Variants in MEAK7 observed in about 807,000 individuals in gnomAD.
MEAK7 encodes MTOR associated protein MEAK7.
In MEAK7, 68 loss-of-function variants were observed where a neutral mutation model predicts 40.5. The ratio of observed to expected loss-of-function variants is 1.68; its 90% CI spans 1.38 to 2.06. The LOEUF is 2.06. Among genes scored for constraint, MEAK7 ranks in the 30% most tolerant of loss-of-function variants. The pLI is 0.00. For synonymous variants in MEAK7, 338 were observed against 231.9 expected, an observed-to-expected ratio of 1.46 and a Z score of -4.16; for missense variants, 918 against 580.5, an observed-to-expected ratio of 1.58 and a Z score of -5.98.
Position 84,492,127 on chromosome 16 carries a change from A to C in MEAK7, c.385-2705T>G, listed in dbSNP as rs182472472. ...CCTCTAGGCCCAGGGACTATTGTGGAAGAGGTGGATGTATGAGATTGTAAG... is the reference window on the plus strand; with the variant it reads ...CCTCTAGGCCCAGGGACTATTGTGGCAGAGGTGGATGTATGAGATTGTAAG... On this transcript the variant is annotated intron_variant, in intron 3 of 7. Coordinates refer to ENST00000343629, the MANE Select transcript of MEAK7 (RefSeq NM_020947.4). 2.0e-5 allele frequency among the ~76,000 whole-genome samples: 3 copies of C among 152,290 alleles called. No homozygotes were observed. In the East Asian group the frequency reaches 5.8e-4, roughly 29 times the overall value.
intron 5 of MEAK7, 28 bp downstream of exon 5, chr16:84,486,603 C>T (rs1323006891): frequency 2.4e-5 from 38 of 1,565,856 alleles, no homozygotes; most frequent in Non-Finnish European, 3.3e-5. Context: ...CTGTGCCACT[C>T]GTCAAGGTTC....
chr16:84,488,990 G>A (rs548821533), intron 4 of MEAK7, among the ~76,000 whole-genome samples: 2 of 152,242 alleles, frequency 1.3e-5, no homozygotes, highest in South Asian at 4.1e-4. Context: ...CTAAAAGCTG[G>A]TTCTTCAAAA....
Position 84,497,914 on chromosome 16 carries a change from C to CCA in MEAK7, c.153+18_153+19dup. ...ACCCCTGCTCCCAACTAAACATGAA[C>CCA]CACGGGTTGTTACTCTTGCCTGTAG... On this transcript the variant is annotated intron_variant, in intron 2 of 7. Coordinates refer to ENST00000343629, the MANE Select transcript of MEAK7 (RefSeq NM_020947.4). The CCA allele has an allele frequency of 3.7e-6, 6 of 1,614,164 alleles. No homozygotes were observed. The highest frequency in any genetic ancestry group is 5.1e-6 in the Non-Finnish European group (6 of 1,180,006).
chr16:84,479,819 C>A lies in MEAK7; in HGVS notation c.*94G>T, dbSNP rs1052909323. 5 of 934,940 alleles carry A rather than the reference C, an allele frequency of 5.3e-6. No homozygotes were observed. The highest frequency in any genetic ancestry group is 1.7e-5 in the African/African-American group (1 of 60,382). 57.9% of individuals were successfully genotyped at this position (934,940 alleles called of 1,614,324 possible). ...CTGTGACCCGTGCGGTACGCTATTA[C>A]AGTTAAACCATGTGGGAGGGAAGAG... On this transcript the variant is annotated 3_prime_UTR_variant, in exon 8 of 8. Transcript: ENST00000343629.
Position 84,482,684 on chromosome 16 carries a change from T to A in MEAK7, c.985A>T (p.Ile329Phe). 1.9e-6 allele frequency: 3 copies of A among 1,614,172 alleles called. No individual in the cohort carries two copies. Among genetic ancestry groups the A allele is most frequent in the East Asian group, 2.2e-5 (1 of 44,880 alleles). Reference protein sequence around the residue: ...QGDNRCFLFSICPSMAVYTHT... With the variant: ...QGDNRCFLFSFCPSMAVYTHT... ...GTGTACACAGCCATGCTGGGGCAGA[T>A]GGAGAACAGGAAGCATCTGTTGTCC... Residue 329 changes from isoleucine to phenylalanine, a missense_variant, in exon 6 of 8, where the codon ATC becomes TTC. By Grantham distance (21) the Ile-to-Phe change is conservative. Coordinates refer to ENST00000343629, the MANE Select transcript of MEAK7 (RefSeq NM_020947.4).
rs748006139 is a variant in MEAK7, at chr16:84,495,672, G to A, written c.384+11C>T. ...CTGAGGAGGCTGCAAAGGACCTCGC[G>A]GCCTCACTACCTTTTGGACTTCTCT... On this transcript the variant is annotated intron_variant, in intron 3 of 7. Coordinates refer to ENST00000343629, the MANE Select transcript of MEAK7 (RefSeq NM_020947.4). The A allele has an allele frequency of 1.1e-4, 176 of 1,613,316 alleles. No individual in the cohort carries two copies. The highest frequency in any genetic ancestry group is 3.3e-4 in the East Asian group (15 of 44,886).
chr16:84,489,431 T>C lies in MEAK7; in HGVS notation c.385-9A>G, dbSNP rs1213121190. On this transcript the variant is annotated splice_polypyrimidine_tract_variant and intron_variant, in intron 3 of 7. Transcript: ENST00000343629. ...ACCAGATCCTCTGTAAACTGTAAGA[T>C]CACAATTTTACCATTAAAAACAGTT... 1.9e-6 allele frequency: 3 copies of C among 1,601,738 alleles called. No homozygotes were observed. In the Admixed American group the frequency reaches 5.1e-5, roughly 27 times the overall value.
chr16:84,500,361 A>G (rs1914396653), intron 1 of MEAK7, among the ~76,000 whole-genome samples: 1 of 152,182 alleles, frequency 6.6e-6, no homozygotes, highest in South Asian at 2.1e-4. Flanking sequence ...TCTGTTTAAC[A>G]TTCTGAGGGG....
chr16:84,480,480 C>T (rs2150621811), intron 7 of MEAK7, 49 bp downstream of exon 7: 3 of 1,525,086 alleles, frequency 2.0e-6, no homozygotes, highest in African/African-American at 1.4e-5. Flanking sequence ...GCAGAAAGGC[C>T]CCCAGGCTCA....
chr16:84,501,934 C>T (rs1209227281), intron 1 of MEAK7, among the ~76,000 whole-genome samples: 1 of 152,114 alleles, frequency 6.6e-6, no homozygotes, highest in African/African-American at 2.4e-5. Context: ...CTCCTGAGGT[C>T]GGGAGTTCGA....
intron 1 of MEAK7, among the ~76,000 whole-genome samples, chr16:84,501,121 A>C (rs943832291): frequency 6.6e-6 from 1 of 151,206 alleles, no homozygotes; most frequent in East Asian, 1.9e-4. Context: ...AAAAAAAAAA[A>C]AAAAGAGGGG....
rs185893480 is a variant in MEAK7 at position 84,504,607 on chromosome 16, G to A, written c.-32C>T. ...CCTCAGCCCAGGTACCTACCCTGCC[G>A]GGCTTCCTGGTGCTGTCCGGTCCGG... On this transcript the variant is annotated 5_prime_UTR_variant, in exon 1 of 8. Coordinates refer to ENST00000343629, the MANE Select transcript of MEAK7 (RefSeq NM_020947.4). The A allele has an allele frequency of 2.2e-4, 212 of 985,546 alleles. No individual in the cohort carries two copies. Among genetic ancestry groups the A allele is most frequent in the Middle Eastern group, 5.2e-4 (1 of 1,938 alleles). The allele number at this position is 985,546 out of a possible 1,614,324, so 61.1% of individuals were successfully genotyped here. A position where few individuals can be genotyped will look rare whatever the true frequency, so the allele number is the denominator to read the frequency against.
At position 84,476,430 on chromosome 16, in the gene MEAK7, A is replaced by C. The variant is rs1161741707; in HGVS notation, c.*3483T>G. On this transcript the variant is annotated 3_prime_UTR_variant, in exon 8 of 8. Transcript: ENST00000343629. Reference sequence around the variant, plus strand: ...CAGGCACCCCGGTATATTGAGTATAAATTGAGCTCAAGAGGTTTTTTTAAT... The same window carrying C: ...CAGGCACCCCGGTATATTGAGTATACATTGAGCTCAAGAGGTTTTTTTAAT... 2 of 152,186 alleles carry C rather than the reference A, an allele frequency of 1.3e-5. No homozygotes were observed. The highest frequency in any genetic ancestry group is 2.9e-5 in the Non-Finnish European group (2 of 68,040). 9.4% of individuals were successfully genotyped at this position (152,186 alleles called of 1,614,324 possible).
intron 3 of MEAK7, among the ~76,000 whole-genome samples, chr16:84,492,538 G>A (rs1029560218): frequency 1.5e-4 from 22 of 146,114 alleles, no homozygotes; most frequent in Non-Finnish European, 2.9e-4. Context: ...ACAATGACCT[G>A]TGATCTTATT....
chr16:84,503,516 C>A (rs1425390359), intron 1 of MEAK7, among the ~76,000 whole-genome samples: 1 of 152,224 alleles, frequency 6.6e-6, no homozygotes, highest in East Asian at 1.9e-4. Flanking sequence ...TGCTGTGGTC[C>A]CTATACCCAT....
chr16:84,491,675 A>G (rs1177162238), intron 3 of MEAK7, among the ~76,000 whole-genome samples: 2 of 151,990 alleles, frequency 1.3e-5, no homozygotes, highest in South Asian at 2.1e-4. Context: ...CATCTCTACT[A>G]AAAGTACAAA....
At chr16:84,480,988 G>C (rs886898280) in intron 6 of MEAK7, among the ~76,000 whole-genome samples, 2 of 152,212 alleles carry the variant, frequency 1.3e-5, no homozygotes, top group Admixed American at 6.5e-5. Context: ...AGTGACATCA[G>C]AGAATTAAAA....
intron 4 of MEAK7, chr16:84,487,333 CCT>C (rs34336455): frequency 0.4 from 157,450 of 395,652 alleles, 35,808 homozygotes; most frequent in Non-Finnish European, 0.5. Flanking sequence ...TCAGTTTTCC[CCT>C]GTTTCTCTTT....
chr16:84,487,711 C>G (rs1334229167), intron 4 of MEAK7: 2 of 152,478 alleles, frequency 1.3e-5, no homozygotes, highest in African/African-American at 4.8e-5. Flanking sequence ...TTCCATCCCT[C>G]ACCCACTAAG....
Sources: gnomAD v4.1 joint callset for allele counts (sites outside exome capture counted in the v4.1 genomes callset) on GRCh38, gnomAD v4.1.1 for gene constraint, MANE v1.5 for transcripts, NCBI Gene and HGNC (gene_info 2026-07-23, HGNC 2026-07-21) for gene names.